The following SPTBN1 variants were observed in gnomAD, a reference collection of about 807,000 sequenced individuals.
The protein encoded by SPTBN1 is spectrin beta, non-erythrocytic 1, also known as spectrin beta chain, non-erythrocytic 1.
Under a neutral mutation model 266.4 loss-of-function variants are expected in SPTBN1, and 32 were observed. The ratio of observed to expected loss-of-function variants is 0.12; its 90% CI spans 0.09 to 0.16. The LOEUF is 0.16. Among genes scored for constraint, SPTBN1 ranks in the 10% least tolerant of loss-of-function variants. The pLI is 1.00. For synonymous variants in SPTBN1, 1,336 were observed against 1,162.2 expected, an observed-to-expected ratio of 1.15 and a Z score of -3.04; for missense variants, 2,296 against 3,067.1, an observed-to-expected ratio of 0.75 and a Z score of 5.94.
At chr2:54,563,788 G>C (rs1388039251) in intron 2 of SPTBN1, among the ~76,000 whole-genome samples, 2 of 151,834 alleles carry the variant, frequency 1.3e-5, no homozygotes, top group Non-Finnish European at 2.9e-5. Flanking sequence ...ATTTTTAGTA[G>C]AGATGGGGTT....
intron 2 of SPTBN1, among the ~76,000 whole-genome samples, chr2:54,564,765 T>A (rs1251636829): frequency 6.6e-6 from 1 of 152,212 alleles, no homozygotes; most frequent in East Asian, 1.9e-4. Flanking sequence ...TTGGACTCCC[T>A]TCCTTTTAAG....
chr2:54,658,704 G>A (rs556185125), intron 30 of SPTBN1, among the ~76,000 whole-genome samples: 2 of 152,272 alleles, frequency 1.3e-5, no homozygotes, highest in South Asian at 4.2e-4. Flanking sequence ...CTATTCTGTG[G>A]CTTTTTAATG....
At chr2:54,514,797 T>C (rs368232261) in intron 1 of SPTBN1, among the ~76,000 whole-genome samples, 1 of 152,216 alleles carries the variant, frequency 6.6e-6, no homozygotes, top group Non-Finnish European at 1.5e-5. Flanking sequence ...ACTAACCAAC[T>C]CCATCTTGCT....
rs147256919 is a variant in SPTBN1, at chr2:54,646,940, A to G, written c.4867-191A>G. Reference sequence around the variant, plus strand: ...CGTTCTCCTTGTGTTTATCTTCTGCACAGGCTTCTGTGGTCCAGTCCATAT... The same window carrying G: ...CGTTCTCCTTGTGTTTATCTTCTGCGCAGGCTTCTGTGGTCCAGTCCATAT... On this transcript the variant is annotated intron_variant, in intron 23 of 35. Transcript: ENST00000356805. The surrounding 1 kb of genome is among the most constrained non-coding windows in gnomAD (Gnocchi z 4.4). 6.6e-6 allele frequency among the ~76,000 whole-genome samples: 1 copy of G among 152,296 alleles called. No homozygotes were observed. The highest frequency in any genetic ancestry group is 1.5e-5 in the Non-Finnish European group (1 of 68,026).
At chr2:54,618,280 T>C in intron 7 of SPTBN1, 87 bp downstream of exon 7, 2 of 1,172,472 alleles carry the variant, frequency 1.7e-6, no homozygotes, top group Non-Finnish European at 2.4e-6. Flanking sequence ...TCAGTCTGTT[T>C]CATTTGGGAG....
chr2:54,610,330 G>A (rs1286514973), intron 3 of SPTBN1, among the ~76,000 whole-genome samples: 2 of 152,192 alleles, frequency 1.3e-5, no homozygotes, highest in African/African-American at 4.8e-5. Flanking sequence ...ATTGTCATAT[G>A]ATGACTTCAT....
intron 2 of SPTBN1, among the ~76,000 whole-genome samples, chr2:54,552,004 C>G (rs1672591177): frequency 6.6e-6 from 1 of 152,066 alleles, no homozygotes; most frequent in Non-Finnish European, 1.5e-5. Flanking sequence ...ATGCCTTTCC[C>G]AGTGCATAAT....
rs138200067 is a variant in SPTBN1 at position 54,645,309 on chromosome 2, G to A, written c.4350G>A (p.Gly1450=). 4.0e-5 allele frequency: 64 copies of A among 1,614,114 alleles called. No homozygotes were observed. Among genetic ancestry groups the A allele is most frequent in the Non-Finnish European group, 5.2e-5 (61 of 1,180,046 alleles). ...QSQAQALSQE[G]KSTDEVDSKR... is the part of the protein sequence containing the mutation. ...AAGCCCAGGCCCTGAGTCAGGAAGG[G>A]AAGAGCACCGACGAGGTAGACAGCA... The change falls in exon 21 of 36, where the codon GGG becomes GGA. Residue 1450 remains glycine (G), a synonymous_variant. Transcript: ENST00000356805. The surrounding 1 kb of genome is among the most constrained non-coding windows in gnomAD (Gnocchi z 4.3).
chr2:54,593,635 T>C (rs1558878542), intron 2 of SPTBN1, among the ~76,000 whole-genome samples: 2 of 151,976 alleles, frequency 1.3e-5, no homozygotes, highest in Non-Finnish European at 2.9e-5. Context: ...TGAGGAGACC[T>C]ATTCTGCATA....
intron 1 of SPTBN1, among the ~76,000 whole-genome samples, chr2:54,487,170 C>CTTTTTTTTTTTTTT (rs34779689): frequency 5.1e-5 from 5 of 98,582 alleles, no homozygotes; most frequent in Admixed American, 1.1e-4. Context: ...ATTAGGATTT[C>CTTTTTTTTTTTTTT]TTTTTTTTTT....
chr2:54,545,771 G>A (rs559636804), intron 2 of SPTBN1, among the ~76,000 whole-genome samples: 119 of 152,070 alleles, frequency 7.8e-4, no homozygotes, highest in African/African-American at 2.8e-3. Flanking sequence ...AAAAACAAGG[G>A]GGTGGGCTGG....
intron 1 of SPTBN1, among the ~76,000 whole-genome samples, chr2:54,479,277 C>G (rs932423647): frequency 2.6e-5 from 4 of 152,060 alleles, no homozygotes; most frequent in African/African-American, 9.7e-5. Flanking sequence ...CCAACCGCCT[C>G]CCCCCCAAGT....
chr2:54,541,503 G>C (rs1173916148), intron 2 of SPTBN1, among the ~76,000 whole-genome samples: 1 of 152,212 alleles, frequency 6.6e-6, no homozygotes, highest in African/African-American at 2.4e-5. Flanking sequence ...TTGTTCCCGT[G>C]CAGCTTTGTT....
Position 54,631,169 on chromosome 2 carries a change from G to A in SPTBN1, c.3122G>A (p.Ser1041Asn). 6.2e-7 allele frequency: 1 copy of A among 1,614,208 alleles called. No homozygotes were observed. Among genetic ancestry groups the A allele is most frequent in the Non-Finnish European group, 8.5e-7 (1 of 1,180,036 alleles). ...ATCCTGTCTCGGCTGGCCGAGATCA[G>A]CGACGTGTGGGAGGAGATGAAGACC... ...QAILSRLAEISDVWEEMKTTL... is the reference protein window; with the variant it reads ...QAILSRLAEINDVWEEMKTTL... Residue 1041 changes from serine (S) to asparagine (N), a missense_variant, in exon 16 of 36, where the codon AGC (serine) becomes AAC (asparagine). Ser to Asn is a conservative substitution (Grantham distance 46). Around this residue, in one of 12 missense-constraint regions of SPTBN1, gnomAD observed 128 missense variants for 176.5 expected, o/e 0.73. Coordinates refer to ENST00000356805, the MANE Select transcript of SPTBN1 (RefSeq NM_003128.3).
rs545995927 is a variant in SPTBN1, at chr2:54,552,462, T to A, written c.148+25896T>A. 3.2e-5 allele frequency among the ~76,000 whole-genome samples: 3 copies of A among 95,044 alleles called. No individual in the cohort carries two copies. The East Asian group carries it at 8.4e-4, about 27-fold the overall frequency. 62.4% of individuals were successfully genotyped at this position (95,044 alleles called of 152,430 possible). On this transcript the variant is annotated intron_variant, in intron 2 of 35. Transcript: ENST00000356805. Reference sequence around the variant, plus strand: ...GCTTCTTAGGTCCCAGGTCTGCTTTTTTCTTTTTTTTTTTGAGATGGAGTC... The same window carrying A: ...GCTTCTTAGGTCCCAGGTCTGCTTTATTCTTTTTTTTTTTGAGATGGAGTC...
intron 1 of SPTBN1, among the ~76,000 whole-genome samples, chr2:54,469,727 T>TG (rs1693819635): frequency 6.6e-6 from 1 of 152,230 alleles, no homozygotes; most frequent in South Asian, 2.1e-4. Flanking sequence ...GCCAGTCCTC[T>TG]GAGCAGATGA....
intron 2 of SPTBN1, among the ~76,000 whole-genome samples, chr2:54,581,189 A>G (rs748245090): frequency 6.6e-6 from 1 of 152,228 alleles, no homozygotes; most frequent in Non-Finnish European, 1.5e-5. Context: ...ATACACGTGC[A>G]TTGTGGAATG....
At chr2:54,562,540 T>TC (rs1237454525) in intron 2 of SPTBN1, among the ~76,000 whole-genome samples, 67 of 141,172 alleles carry the variant, frequency 4.7e-4, no homozygotes, top group Middle Eastern at 3.5e-3. Context: ...TTTCTTTTTT[T>TC]TTTTTGAGGC....
At chr2:54,583,865 C>G (rs910125134) in intron 2 of SPTBN1, among the ~76,000 whole-genome samples, 11 of 152,138 alleles carry the variant, frequency 7.2e-5, no homozygotes, top group African/African-American at 1.7e-4. Context: ...GGGTGAACCT[C>G]AATTCTCTTA....
Sources: allele counts gnomAD v4.1 joint callset (sites outside exome capture counted in the v4.1 genomes callset), GRCh38; gene constraint gnomAD v4.1.1; regional missense constraint gnomAD v4.1.1; non-coding constraint Gnocchi (gnomAD v3.1); transcripts MANE v1.5; gene names NCBI Gene and HGNC (gene_info 2026-07-23, HGNC 2026-07-21).